Variants in GULP1 observed in about 807,000 individuals in gnomAD.
GULP1 encodes PTB domain-containing engulfment adapter protein 1.
A neutral mutation model predicts 40.9 loss-of-function variants in GULP1; 19 were observed. That is an observed-to-expected ratio of 0.46 (90% CI 0.32 to 0.68). GULP1 has a LOEUF of 0.68. Ranked by LOEUF, GULP1 falls within the 30% of genes least tolerant of loss-of-function variation. GULP1 has a pLI of 0.03. For synonymous variants in GULP1, 119 were observed against 117.6 expected, an observed-to-expected ratio of 1.01 and a Z score of -0.08; for missense variants, 312 against 362.2, an observed-to-expected ratio of 0.86 and a Z score of 1.12.
chr2:188,299,101 G>A (rs2035619089), intron 1 of GULP1, among the ~76,000 whole-genome samples: 1 of 152,082 alleles, frequency 6.6e-6, no homozygotes, highest in African/African-American at 2.4e-5. Context: ...TGGAGTGGCG[G>A]GGTGAGAAGC....
chr2:188,441,244 T>A (rs547461198), intron 2 of GULP1, among the ~76,000 whole-genome samples: 1 of 152,210 alleles, frequency 6.6e-6, no homozygotes, highest in Non-Finnish European at 1.5e-5. Flanking sequence ...TTCCTCTTAT[T>A]TTCAAATCTC....
chr2:188,472,271 C>T (rs1160223674), intron 2 of GULP1, among the ~76,000 whole-genome samples: 1 of 151,988 alleles, frequency 6.6e-6, no homozygotes, highest in Non-Finnish European at 1.5e-5. Context: ...GTTAAATCTG[C>T]TTGGTGTTGT....
intron 2 of GULP1, among the ~76,000 whole-genome samples, chr2:188,385,024 C>T (rs2049500767): frequency 6.6e-6 from 1 of 152,114 alleles, no homozygotes; most frequent in Non-Finnish European, 1.5e-5. Flanking sequence ...ATCTACCATT[C>T]TAGGGTCTGG....
intron 1 of GULP1, among the ~76,000 whole-genome samples, chr2:188,319,029 C>T (rs1000026766): frequency 6.6e-6 from 1 of 152,038 alleles, no homozygotes; most frequent in African/African-American, 2.4e-5. Context: ...GTTTTCTAAA[C>T]ATTTTTAAAT....
chr2:188,444,273 T>C (rs1455302346), intron 2 of GULP1, among the ~76,000 whole-genome samples: 1 of 152,198 alleles, frequency 6.6e-6, no homozygotes, highest in Admixed American at 6.5e-5. Flanking sequence ...GGATGTAAAG[T>C]GTTCTCACCA....
chr2:188,458,784 AT>A (rs1229393910), intron 2 of GULP1, among the ~76,000 whole-genome samples: 5 of 151,268 alleles, frequency 3.3e-5, no homozygotes, highest in African/African-American at 9.7e-5. Flanking sequence ...ATTCATTCTA[AT>A]TTTTTTTTGT....
intron 1 of GULP1, among the ~76,000 whole-genome samples, chr2:188,331,881 T>C (rs1241846760): frequency 6.6e-6 from 1 of 152,236 alleles, no homozygotes; most frequent in Non-Finnish European, 1.5e-5. Context: ...ATATTTTTAC[T>C]TGTCTTCATA....
At chr2:188,361,768 T>C (rs1189581700) in intron 1 of GULP1, among the ~76,000 whole-genome samples, 1 of 152,070 alleles carries the variant, frequency 6.6e-6, no homozygotes, top group Non-Finnish European at 1.5e-5. Flanking sequence ...ATGCTTACCA[T>C]GCCTATGATG....
At chr2:188,540,714 C>T (rs958108717) in intron 6 of GULP1, among the ~76,000 whole-genome samples, 6 of 152,000 alleles carry the variant, frequency 3.9e-5, no homozygotes, top group Non-Finnish European at 5.9e-5. Flanking sequence ...CACATGAAAT[C>T]GTATCCAGAT....
intron 1 of GULP1, among the ~76,000 whole-genome samples, chr2:188,342,699 T>G (rs1049770328): frequency 6.6e-6 from 1 of 152,202 alleles, no homozygotes; most frequent in Non-Finnish European, 1.5e-5. Flanking sequence ...TAGAAGAATG[T>G]TATTGTATGT....
intron 2 of GULP1, among the ~76,000 whole-genome samples, chr2:188,466,286 T>G (rs1339471395): frequency 1.4e-5 from 2 of 144,794 alleles, no homozygotes; most frequent in Non-Finnish European, 2.9e-5. Context: ...GTGGCTGGTT[T>G]TTTTTTCCCC....
chr2:188,569,363 A>C lies in GULP1; in HGVS notation c.516+8A>C, dbSNP rs373423846. The C allele has an allele frequency of 3.2e-6, 4 of 1,268,090 alleles. No individual in the cohort carries two copies. The highest frequency in any genetic ancestry group is 4.6e-6 in the Non-Finnish European group (4 of 864,202). 78.6% of individuals were successfully genotyped at this position (1,268,090 alleles called of 1,614,324 possible). A position where few individuals can be genotyped will look rare whatever the true frequency, so the allele number is the denominator to read the frequency against. On this transcript the variant is annotated splice_region_variant and intron_variant, in intron 8 of 11. Transcript: ENST00000409830. Reference sequence around the variant, plus strand: ...GCAGGGTTACAAAAAAGAGTGAGTAAACTAAGCTTGTTGTTTTACATTTGT... The same window carrying C: ...GCAGGGTTACAAAAAAGAGTGAGTACACTAAGCTTGTTGTTTTACATTTGT...
In GULP1 at chr2:188,522,774, G is replaced by T; in HGVS notation, c.109G>T (p.Val37Leu). The T allele has an allele frequency of 6.2e-7, 1 of 1,611,238 alleles. No individual in the cohort carries two copies. Among genetic ancestry groups the T allele is most frequent in the Non-Finnish European group, 8.5e-7 (1 of 1,177,606 alleles). ...YNAKFLGSTE[V>L]EQPKGTEVVR... ...TTTTCAGTTTCTTGGCAGTACAGAA[G>T]TGGAACAGCCAAAAGGAACAGAAGT... The change falls in exon 5 of 12, where the codon GTG (valine) becomes TTG (leucine). Residue 37 changes from valine to leucine, a missense_variant. Physicochemically the swap from Val to Leu is conservative, Grantham distance 32. Transcript: ENST00000409830.
At chr2:188,401,088 T>C (rs2052214924) in intron 2 of GULP1, among the ~76,000 whole-genome samples, 1 of 152,010 alleles carries the variant, frequency 6.6e-6, no homozygotes, top group African/African-American at 2.4e-5. Flanking sequence ...TGTATGAGAC[T>C]AGTGATGTTG....
intron 2 of GULP1, among the ~76,000 whole-genome samples, chr2:188,468,210 GTTTTC>G (rs1461335268): frequency 1.3e-5 from 2 of 151,902 alleles, no homozygotes; most frequent in East Asian, 3.9e-4. Context: ...TGTTTACAGT[GTTTTC>G]TTTGATGAAA....
intron 2 of GULP1, among the ~76,000 whole-genome samples, chr2:188,459,261 G>A (rs184942027): frequency 7.6e-4 from 115 of 152,158 alleles, no homozygotes; most frequent in African/African-American, 2.6e-3. Context: ...GTATTTTGAG[G>A]AACTTCCAAA....
At chr2:188,422,725 C>T (rs1475243074) in intron 2 of GULP1, among the ~76,000 whole-genome samples, 1 of 151,980 alleles carries the variant, frequency 6.6e-6, no homozygotes, top group Non-Finnish European at 1.5e-5. Flanking sequence ...ATCTCTGAGG[C>T]ACATTATAAA....
At chr2:188,430,021 A>T (rs561957262) in intron 2 of GULP1, among the ~76,000 whole-genome samples, 24 of 152,268 alleles carry the variant, frequency 1.6e-4, no homozygotes, top group African/African-American at 5.3e-4. Flanking sequence ...CTGTAAAAAA[A>T]TTTTACAACC....
intron 2 of GULP1, among the ~76,000 whole-genome samples, chr2:188,403,554 G>T (rs1354573514): frequency 6.6e-6 from 1 of 152,046 alleles, no homozygotes; most frequent in Non-Finnish European, 1.5e-5. Context: ...AATAAATATG[G>T]TATATATAAC....
Sources: gnomAD v4.1 joint callset for allele counts (sites outside exome capture counted in the v4.1 genomes callset) on GRCh38, gnomAD v4.1.1 for gene constraint, MANE v1.5 for transcripts, NCBI Gene and HGNC (gene_info 2026-07-23, HGNC 2026-07-21) for gene names.